The following TRAPPC9 variants were observed in gnomAD, a reference collection of about 807,000 sequenced individuals.
TRAPPC9 encodes IKK2 binding protein.
In TRAPPC9, 83 loss-of-function variants were observed where a neutral mutation model predicts 124.0. The observed-to-expected ratio is 0.67, with a 90% CI of 0.56 to 0.80. The LOEUF (loss-of-function observed/expected upper bound fraction) is 0.80. TRAPPC9 is among the 30% of genes least tolerant of loss of function. TRAPPC9 has a pLI of 0.00. For missense variants in TRAPPC9, 1,302 were observed against 1,508.3 expected, an observed-to-expected ratio of 0.86 and a Z score of 2.27; for synonymous variants, 638 against 617.5, an observed-to-expected ratio of 1.03 and a Z score of -0.49.
intron 18 of TRAPPC9, among the ~76,000 whole-genome samples, chr8:139,991,588 G>GT (rs35364219): frequency 0.3 from 43,484 of 142,708 alleles, 7,430 homozygotes; most frequent in East Asian, 0.44. Flanking sequence ...TTTTGGGTTT[G>GT]TTTTTTTTTT....
At chr8:140,280,680 C>T (rs1230779316) in intron 14 of TRAPPC9, among the ~76,000 whole-genome samples, 6 of 152,056 alleles carry the variant, frequency 3.9e-5, no homozygotes, top group African/African-American at 1.4e-4. Flanking sequence ...GTGATCCGCC[C>T]GCCTCTGCCT....
At chr8:140,366,470 G>C (rs1353921408) in intron 8 of TRAPPC9, among the ~76,000 whole-genome samples, 1 of 152,136 alleles carries the variant, frequency 6.6e-6, no homozygotes, top group Non-Finnish European at 1.5e-5. Flanking sequence ...GCAATCAATG[G>C]AGCAGAGACA....
chr8:139,932,549 G>T (rs1430103155), intron 19 of TRAPPC9: 2 of 454,998 alleles, frequency 4.4e-6, no homozygotes, highest in African/African-American at 4.0e-5. Flanking sequence ...GATTGCCTGA[G>T]CTCAGGAGTT....
chr8:140,398,233 T>C (rs2069152143), intron 6 of TRAPPC9, among the ~76,000 whole-genome samples: 1 of 152,174 alleles, frequency 6.6e-6, no homozygotes, highest in African/African-American at 2.4e-5. Context: ...ATCAGCAGCA[T>C]GAAAACAGAC....
intron 19 of TRAPPC9, among the ~76,000 whole-genome samples, chr8:139,962,294 C>G (rs1835404404): frequency 1.6e-5 from 2 of 124,660 alleles, no homozygotes; most frequent in African/African-American, 5.1e-5. Context: ...GATCCCAGAA[C>G]AGTAAGATTC....
At chr8:139,894,844 C>T (rs941695587) in intron 20 of TRAPPC9, among the ~76,000 whole-genome samples, 1 of 152,156 alleles carries the variant, frequency 6.6e-6, no homozygotes, top group African/African-American at 2.4e-5. Context: ...GTGACCAATC[C>T]TCACTGAAGA....
At chr8:140,398,406 C>T (rs190571361) in intron 6 of TRAPPC9, among the ~76,000 whole-genome samples, 9 of 152,152 alleles carry the variant, frequency 5.9e-5, no homozygotes, top group East Asian at 1.9e-4. Context: ...AGAGGCTTGT[C>T]GAATGGCTTT....
rs567033106 is a variant in TRAPPC9, at chr8:140,162,574, C to T, written c.2556+58885G>A. On this transcript the variant is annotated intron_variant, in intron 17 of 22. Transcript: ENST00000438773. ...CAAACTATATCGCCTGTCCACGCTG[C>T]AAAATAATTCAGTTGAGGGGAAGAG... Among the ~76,000 whole-genome samples the T allele has an allele frequency of 7.2e-5, 11 of 152,276 alleles. No homozygotes were observed. The South Asian group carries it at 2.3e-3, about 32-fold the overall frequency.
Position 139,729,239 on chromosome 8 carries a change from A to G in TRAPPC9, c.*1822T>C, listed in dbSNP as rs1817688994. On this transcript the variant is annotated 3_prime_UTR_variant, in exon 23 of 23. Coordinates refer to ENST00000438773, the MANE Select transcript of TRAPPC9 (RefSeq NM_001160372.4). Reference sequence around the variant, plus strand: ...CGTTCTGAGGCATAGAAAATTTATAATTTGGGGGGACATTGTCTACACAAG... The same window carrying G: ...CGTTCTGAGGCATAGAAAATTTATAGTTTGGGGGGACATTGTCTACACAAG... 6.6e-6 allele frequency among the ~76,000 whole-genome samples: 1 copy of G among 152,196 alleles called. No individual in the cohort carries two copies. The highest frequency in any genetic ancestry group is 2.4e-5 in the African/African-American group (1 of 41,448).
chr8:139,992,734 GAA>G (rs776932072), intron 18 of TRAPPC9, among the ~76,000 whole-genome samples: 5 of 151,152 alleles, frequency 3.3e-5, no homozygotes, highest in Admixed American at 2.0e-4. Context: ...ATTAGTGAAA[GAA>G]AAGATAGCTA....
At chr8:139,795,324 C>T (rs1311140006) in intron 21 of TRAPPC9, among the ~76,000 whole-genome samples, 2 of 152,150 alleles carry the variant, frequency 1.3e-5, no homozygotes, top group African/African-American at 2.4e-5. Context: ...GCAGCCATCC[C>T]GTGTTTGCAG....
chr8:140,453,220 G>A (rs1008850797), intron 1 of TRAPPC9, among the ~76,000 whole-genome samples: 2 of 152,092 alleles, frequency 1.3e-5, no homozygotes, highest in African/African-American at 2.4e-5. Flanking sequence ...ATTTGGCCAT[G>A]GTCCCCATGG....
intron 19 of TRAPPC9, among the ~76,000 whole-genome samples, chr8:139,924,116 A>T (rs909004042): frequency 6.6e-6 from 1 of 152,210 alleles, no homozygotes; most frequent in Non-Finnish European, 1.5e-5. Flanking sequence ...CAGGGTGTGG[A>T]GTCACAGAAA....
chr8:140,015,462 C>A (rs2131872022), intron 18 of TRAPPC9, among the ~76,000 whole-genome samples: 1 of 152,276 alleles, frequency 6.6e-6, no homozygotes, highest in Admixed American at 6.5e-5. Context: ...AGGCCAAGAG[C>A]CGAAAATGCA....
intron 21 of TRAPPC9, among the ~76,000 whole-genome samples, chr8:139,790,395 G>T (rs1032256054): frequency 1.3e-5 from 2 of 152,186 alleles, no homozygotes; most frequent in Non-Finnish European, 2.9e-5. Flanking sequence ...TCAGCAAGAG[G>T]TGCCATGGTA....
intron 19 of TRAPPC9, among the ~76,000 whole-genome samples, chr8:139,964,668 G>A (rs1466952578): frequency 6.7e-6 from 1 of 150,042 alleles, no homozygotes; most frequent in Non-Finnish European, 1.5e-5. Flanking sequence ...ATGCAGAACA[G>A]CATCTCCAAG....
At chr8:140,187,651 TCTC>T (rs1286382691) in intron 17 of TRAPPC9, among the ~76,000 whole-genome samples, 14 of 152,058 alleles carry the variant, frequency 9.2e-5, no homozygotes, top group Non-Finnish European at 1.8e-4. Context: ...GATACCAACT[TCTC>T]CTCGTCGTCC....
At chr8:140,155,363 C>T (rs1207987833) in intron 17 of TRAPPC9, among the ~76,000 whole-genome samples, 3 of 152,180 alleles carry the variant, frequency 2.0e-5, no homozygotes, top group Non-Finnish European at 4.4e-5. Context: ...CGGGAAAAAG[C>T]GTGTGCTCCC....
intron 17 of TRAPPC9, among the ~76,000 whole-genome samples, chr8:140,081,727 TC>T (rs1174157221): frequency 6.6e-6 from 1 of 152,156 alleles, no homozygotes; most frequent in Non-Finnish European, 1.5e-5. Flanking sequence ...GAAAACCATG[TC>T]AAGTCGCACG....
Sources: gnomAD v4.1 joint callset for allele counts (sites outside exome capture counted in the v4.1 genomes callset) on GRCh38, gnomAD v4.1.1 for gene constraint, MANE v1.5 for transcripts, NCBI Gene and HGNC (gene_info 2026-07-23, HGNC 2026-07-21) for gene names.